CEP85L: variants seen among roughly 807,000 people sequenced by gnomAD.
CEP85L encodes centrosomal protein of 85 kDa-like.
In CEP85L, 60 loss-of-function variants were observed where a neutral mutation model predicts 100.3. The observed-to-expected ratio is 0.60, with a 90% CI of 0.49 to 0.74. CEP85L has a LOEUF of 0.74. CEP85L is among the 30% of genes least tolerant of loss of function. The probability of loss-of-function intolerance (pLI) is 0.00; values close to 1 mark genes in which losing one functional copy is unlikely to be tolerated. For synonymous variants in CEP85L, 319 were observed against 322.7 expected (o/e 0.99, Z 0.12); for missense variants, 973 against 936.2 (o/e 1.04, Z -0.51).
intron 3 of CEP85L, among the ~76,000 whole-genome samples, chr6:118,526,494 T>A (rs147784359): frequency 6.6e-6 from 1 of 152,236 alleles, no homozygotes; most frequent in African/African-American, 2.4e-5. Context: ...TTATACTTAA[T>A]TGGCAGAGCT....
intron 2 of CEP85L, among the ~76,000 whole-genome samples, chr6:118,577,464 C>T (rs1382404484): frequency 6.6e-6 from 1 of 152,082 alleles, no homozygotes; most frequent in South Asian, 2.1e-4. Flanking sequence ...ACAAGGGGTG[C>T]CAAATGAATT....
intron 2 of CEP85L, among the ~76,000 whole-genome samples, chr6:118,621,921 C>CA (rs1280424683): frequency 1.3e-5 from 2 of 152,192 alleles, no homozygotes; most frequent in African/African-American, 4.8e-5. Flanking sequence ...GAATGGGAAT[C>CA]AGAGGCGGAA....
chr6:118,497,715 A>G (rs1228470140), intron 5 of CEP85L, among the ~76,000 whole-genome samples: 3 of 152,214 alleles, frequency 2.0e-5, no homozygotes, highest in Non-Finnish European at 2.9e-5. Context: ...TGTGGCCAGT[A>G]TATCTGCTTT....
At chr6:118,697,059 T>G (rs1777238462) in intron 1 of CEP85L, among the ~76,000 whole-genome samples, 1 of 152,130 alleles carries the variant, frequency 6.6e-6, no homozygotes, top group South Asian at 2.1e-4. Flanking sequence ...CCCTTCAATT[T>G]CTCATTGGCT....
At chr6:118,521,818 T>C (rs115767543) in intron 4 of CEP85L, among the ~76,000 whole-genome samples, 1,908 of 152,242 alleles carry the variant, frequency 0.013, 25 homozygotes, top group African/African-American at 0.041. Flanking sequence ...GACGCATAAA[T>C]AAGCCTAGCT....
chr6:118,618,833 C>T (rs1385314204), intron 2 of CEP85L, among the ~76,000 whole-genome samples: 1 of 152,154 alleles, frequency 6.6e-6, no homozygotes. Context: ...TATGGCCAGG[C>T]CCACGTAAAT....
At position 118,461,796 on chromosome 6, in the gene CEP85L, G is replaced by A. The variant is rs1211320042; in HGVS notation, c.*3609C>T. 6.6e-6 allele frequency: 1 copy of A among 151,986 alleles called. No individual in the cohort carries two copies. Among genetic ancestry groups the A allele is most frequent in the African/African-American group, 2.4e-5 (1 of 41,416 alleles). The allele number at this position is 151,986 out of a possible 1,614,324, so 9.4% of individuals were successfully genotyped here. A position where few individuals can be genotyped will look rare whatever the true frequency, so the allele number is the denominator to read the frequency against. On this transcript the variant is annotated 3_prime_UTR_variant, in exon 13 of 13. Coordinates refer to ENST00000368491, the MANE Select transcript of CEP85L (RefSeq NM_001042475.3). ...AAATGGAAACATGGCAGTTTCAAAT[G>A]ATATAGTCTGAGTGAGCATGGTTAT...
At chr6:118,657,646 T>A (rs570530160) in intron 1 of CEP85L, among the ~76,000 whole-genome samples, 1 of 152,080 alleles carries the variant, frequency 6.6e-6, no homozygotes, top group Non-Finnish European at 1.5e-5. Flanking sequence ...CAGTTTCAAG[T>A]TGGACTCAGA....
chr6:118,505,409 CA>C (rs56893664), intron 5 of CEP85L, among the ~76,000 whole-genome samples: 1,046 of 71,442 alleles, frequency 0.015, 1 homozygote, highest in Middle Eastern at 0.022. Context: ...TCACTGTACT[CA>C]AAAAAAAAAA....
intron 5 of CEP85L, among the ~76,000 whole-genome samples, chr6:118,506,980 A>C (rs2114696703): frequency 6.6e-6 from 1 of 151,912 alleles, no homozygotes; most frequent in African/African-American, 2.4e-5. Context: ...TCTGGATCCC[A>C]TTTTCCTCTC....
intron 6 of CEP85L, among the ~76,000 whole-genome samples, chr6:118,485,124 A>T (rs562184284): frequency 2.6e-5 from 4 of 152,206 alleles, no homozygotes; most frequent in Non-Finnish European, 5.9e-5. Context: ...ACTACATGAA[A>T]TATATCATCT....
intron 1 of CEP85L, among the ~76,000 whole-genome samples, chr6:118,706,058 T>C (rs551653720): frequency 2.6e-5 from 4 of 152,196 alleles, no homozygotes; most frequent in South Asian, 2.1e-4. Flanking sequence ...CGGCCGTCTA[T>C]GTAGGTGTGT....
rs549870115 is a variant in CEP85L, at chr6:118,570,160, C to T, written c.233-3844G>A. Among the ~76,000 whole-genome samples, 11 of 152,202 alleles carry T rather than the reference C, an allele frequency of 7.2e-5. No individual in the cohort carries two copies. The South Asian group carries it at 1.5e-3, about 20-fold the overall frequency. ...ACAAAACTTAATAAACAAAGGTAAC[C>T]TCTACATAGTGGAAAGGGGGCAAAA... On this transcript the variant is annotated intron_variant, in intron 2 of 12. Transcript: ENST00000368491.
chr6:118,479,529 A>C (rs1346839641), intron 10 of CEP85L, among the ~76,000 whole-genome samples: 2 of 151,806 alleles, frequency 1.3e-5, no homozygotes, highest in Non-Finnish European at 2.9e-5. Flanking sequence ...TAAATGTAGC[A>C]CTCTCTAGCC....
intron 1 of CEP85L, among the ~76,000 whole-genome samples, chr6:118,704,631 C>T (rs766605853): frequency 1.4e-4 from 22 of 152,152 alleles, no homozygotes; most frequent in Admixed American, 3.9e-4. Context: ...CCACCATGCC[C>T]GGCTAATTTT....
intron 2 of CEP85L, among the ~76,000 whole-genome samples, chr6:118,570,239 C>T (rs1195582631): frequency 6.6e-6 from 1 of 152,090 alleles, no homozygotes; most frequent in Non-Finnish European, 1.5e-5. Context: ...TTAATTGCTT[C>T]CAAGGAATAT....
chr6:118,501,350 C>T (rs985487917), intron 5 of CEP85L: 5 of 361,330 alleles, frequency 1.4e-5, no homozygotes, highest in African/African-American at 8.6e-5. Flanking sequence ...CACGCCAATG[C>T]AGGGGGTTAG....
intron 2 of CEP85L, among the ~76,000 whole-genome samples, chr6:118,608,222 A>G (rs899061229): frequency 9.9e-5 from 15 of 152,178 alleles, no homozygotes; most frequent in African/African-American, 4.8e-5. Context: ...TCTGCTGGGC[A>G]CGGTGGCTCA....
At chr6:118,545,635 C>A (rs1273489717) in intron 3 of CEP85L, among the ~76,000 whole-genome samples, 5 of 152,058 alleles carry the variant, frequency 3.3e-5, no homozygotes, top group Non-Finnish European at 1.5e-5. Flanking sequence ...ATTTAAAATG[C>A]TACAAAACTA....
Sources: allele counts gnomAD v4.1 joint callset (sites outside exome capture counted in the v4.1 genomes callset), GRCh38; gene constraint gnomAD v4.1.1; transcripts MANE v1.5; gene names NCBI Gene and HGNC (gene_info 2026-07-23, HGNC 2026-07-21).